Variants in MED27 observed in about 807,000 individuals in gnomAD.
MED27 encodes the protein mediator complex subunit 27, also known as mediator of RNA polymerase II transcription subunit 27.
Under a neutral mutation model 38.2 loss-of-function variants are expected in MED27, and 30 were observed. The ratio of observed to expected loss-of-function variants is 0.79; its 90% CI spans 0.59 to 1.07. The LOEUF is 1.07. Ranked by LOEUF, MED27 falls within the 50% of genes least tolerant of loss-of-function variation. MED27 has a pLI of 0.00. For missense variants in MED27, 289 were observed against 397.5 expected (o/e 0.73, Z 2.32); for synonymous variants, 122 against 153.5 (o/e 0.79, Z 1.52).
intron 4 of MED27, among the ~76,000 whole-genome samples, chr9:131,895,775 T>A (rs1829822207): frequency 6.6e-6 from 1 of 152,204 alleles, no homozygotes; most frequent in South Asian, 2.1e-4. Context: ...GGGTCATTTT[T>A]TTGTGTTACT....
Position 131,959,118 on chromosome 9 carries a change from C to T in MED27, c.480-19644G>A, listed in dbSNP as rs12340558. On this transcript the variant is annotated intron_variant, in intron 3 of 7. Coordinates refer to ENST00000292035, the MANE Select transcript of MED27 (RefSeq NM_004269.4). ...CAATTAATAAAACAGGAAGACAGTG[C>T]TGTAGTTTAGATCATGAAATCAGGC... Among the ~76,000 whole-genome samples, 889 of 152,282 alleles carry T rather than the reference C, an allele frequency of 5.8e-3. 7 individuals are homozygous for T. Among genetic ancestry groups the T allele is most frequent in the African/African-American group, 0.02 (848 of 41,546 alleles).
chr9:131,868,878 C>T, intron 6 of MED27: 1 of 985,490 alleles, frequency 1.0e-6, no homozygotes, highest in South Asian at 4.7e-5. Context: ...GCACAGGCTG[C>T]TCAAGGGTAG....
chr9:132,042,358 C>T (rs1267547819), intron 2 of MED27, among the ~76,000 whole-genome samples: 1 of 152,206 alleles, frequency 6.6e-6, no homozygotes, highest in African/African-American at 2.4e-5. Flanking sequence ...AGTGTGTATA[C>T]TGATGTTGCC....
At chr9:132,077,783 CAG>C (rs1278592892) in intron 1 of MED27, among the ~76,000 whole-genome samples, 197 bp from the exon 2 acceptor site, 1 of 150,620 alleles carries the variant, frequency 6.6e-6, no homozygotes, top group Non-Finnish European at 1.5e-5. Flanking sequence ...GACTTTAAAA[CAG>C]AGCTTCTGGT....
chr9:132,053,266 A>G (rs117435933), intron 2 of MED27, among the ~76,000 whole-genome samples: 3 of 151,774 alleles, frequency 2.0e-5, no homozygotes, highest in Middle Eastern at 6.8e-3. Flanking sequence ...AAAAAAAAAA[A>G]AAAGAAAAAG....
chr9:131,940,866 T>A (rs547883994), intron 3 of MED27, among the ~76,000 whole-genome samples: 6 of 152,362 alleles, frequency 3.9e-5, no homozygotes, highest in African/African-American at 9.6e-5. Context: ...AATCCTCTAT[T>A]CTTATACCCA....
chr9:132,001,844 C>G (rs1832242395), intron 3 of MED27, among the ~76,000 whole-genome samples: 1 of 152,232 alleles, frequency 6.6e-6, no homozygotes, highest in African/African-American at 2.4e-5. Context: ...CCTCGTACCC[C>G]TTCTGGAGCA....
intron 3 of MED27, among the ~76,000 whole-genome samples, chr9:131,956,782 TGCAGA>T (rs1831112283): frequency 6.7e-6 from 1 of 150,302 alleles, no homozygotes; most frequent in Admixed American, 6.6e-5. Context: ...CCTCAATAAA[TGCAGA>T]AAAAACGTTT....
At chr9:131,938,656 A>C (rs1053717629) in intron 4 of MED27, among the ~76,000 whole-genome samples, 2 of 152,206 alleles carry the variant, frequency 1.3e-5, no homozygotes, top group Non-Finnish European at 2.9e-5. Flanking sequence ...TCAGTCTCAG[A>C]ACACTTTCTT....
At chr9:132,023,884 A>C (rs1261215963) in intron 2 of MED27, among the ~76,000 whole-genome samples, 1 of 152,154 alleles carries the variant, frequency 6.6e-6, no homozygotes, top group Non-Finnish European at 1.5e-5. Flanking sequence ...AATAGGAGAG[A>C]GCTCTTAAGA....
chr9:131,910,309 T>G (rs1830164363), intron 4 of MED27, among the ~76,000 whole-genome samples: 1 of 152,228 alleles, frequency 6.6e-6, no homozygotes, highest in African/African-American at 2.4e-5. Flanking sequence ...TTCTTCCATA[T>G]TGTTCTATTT....
At chr9:131,955,033 T>C (rs1564298064) in intron 3 of MED27, among the ~76,000 whole-genome samples, 1 of 152,096 alleles carries the variant, frequency 6.6e-6, no homozygotes, top group Non-Finnish European at 1.5e-5. Flanking sequence ...CAAGTGCACC[T>C]GGAACACTCA....
chr9:131,895,817 A>G (rs909991213), intron 4 of MED27, among the ~76,000 whole-genome samples: 3 of 151,990 alleles, frequency 2.0e-5, no homozygotes, highest in Non-Finnish European at 2.9e-5. Flanking sequence ...CCAATAAACC[A>G]TGGAGGTAGA....
intron 3 of MED27, among the ~76,000 whole-genome samples, chr9:132,008,606 G>C (rs1027042446): frequency 3.3e-5 from 5 of 152,326 alleles, no homozygotes; most frequent in Admixed American, 2.0e-4. Context: ...TGGGAGCTCA[G>C]GGAGGAATCT....
chr9:131,912,769 A>C (rs1830215221), intron 4 of MED27, among the ~76,000 whole-genome samples: 1 of 152,240 alleles, frequency 6.6e-6, no homozygotes, highest in Non-Finnish European at 1.5e-5. Context: ...CATCACCAAC[A>C]GCCCTCACTT....
chr9:131,903,427 G>T (rs1829991194), intron 4 of MED27, among the ~76,000 whole-genome samples: 1 of 152,132 alleles, frequency 6.6e-6, no homozygotes, highest in African/African-American at 2.4e-5. Context: ...ATTTGGGTGG[G>T]GACACAGAGC....
intron 3 of MED27, among the ~76,000 whole-genome samples, chr9:131,954,613 A>G (rs1019250551): frequency 3.3e-5 from 5 of 152,118 alleles, no homozygotes; most frequent in African/African-American, 1.2e-4. Flanking sequence ...TTTATATTGT[A>G]TATCAGAGGA....
At chr9:132,024,045 G>A (rs1244593636) in intron 2 of MED27, among the ~76,000 whole-genome samples, 1 of 152,176 alleles carries the variant, frequency 6.6e-6, no homozygotes, top group Non-Finnish European at 1.5e-5. Flanking sequence ...AGCAAAGGCT[G>A]ACACTCTGGA....
intron 4 of MED27, among the ~76,000 whole-genome samples, chr9:131,933,420 C>A (rs748761810): frequency 1.3e-5 from 2 of 151,952 alleles, no homozygotes; most frequent in African/African-American, 2.4e-5. Flanking sequence ...TTGAAGGATA[C>A]AAAATATACA....
Sources: allele counts gnomAD v4.1 joint callset (sites outside exome capture counted in the v4.1 genomes callset), GRCh38; gene constraint gnomAD v4.1.1; transcripts MANE v1.5; gene names NCBI Gene and HGNC (gene_info 2026-07-23, HGNC 2026-07-21).